Variants in TAFA1 observed in about 807,000 individuals in gnomAD.
The protein encoded by TAFA1 is chemokine-like protein TAFA-1.
Under a neutral mutation model 18.5 loss-of-function variants are expected in TAFA1, and 4 were observed. The observed-to-expected ratio is 0.22, with a 90% CI of 0.11 to 0.49. The LOEUF (loss-of-function observed/expected upper bound fraction) is 0.49, where lower values mean the gene tolerates loss of function less well. Ranked by LOEUF, TAFA1 falls within the 20% of genes least tolerant of loss-of-function variation. The pLI is 0.98. For missense variants in TAFA1, 147 were observed against 169.0 expected (o/e 0.87, Z 0.72); for synonymous variants, 56 against 55.2 (o/e 1.01, Z -0.06).
chr3:68,376,913 T>A (rs1036899053), intron 2 of TAFA1, among the ~76,000 whole-genome samples: 2 of 152,174 alleles, frequency 1.3e-5, no homozygotes, highest in South Asian at 4.2e-4. Context: ...TCTCATGAGG[T>A]CTGATGGTTC....
At chr3:68,423,107 C>T (rs1479286194) in intron 3 of TAFA1, among the ~76,000 whole-genome samples, 1 of 151,870 alleles carries the variant, frequency 6.6e-6, no homozygotes, top group East Asian at 1.9e-4. Context: ...TTCTATGATT[C>T]TGATTAATCT....
intron 2 of TAFA1, among the ~76,000 whole-genome samples, chr3:68,160,364 G>A (rs916884230): frequency 3.3e-5 from 5 of 152,200 alleles, no homozygotes; most frequent in Non-Finnish European, 5.9e-5. Context: ...ACGTGGCTGT[G>A]TTTCAATAAA....
chr3:68,476,420 T>C (rs2072098113), intron 3 of TAFA1, among the ~76,000 whole-genome samples: 1 of 152,220 alleles, frequency 6.6e-6, no homozygotes, highest in Non-Finnish European at 1.5e-5. Flanking sequence ...AACTAGTCTT[T>C]AAAAATGCAG....
At chr3:68,284,204 G>T (rs143080041) in intron 2 of TAFA1, among the ~76,000 whole-genome samples, 19 of 152,250 alleles carry the variant, frequency 1.2e-4, no homozygotes, top group African/African-American at 4.1e-4. Context: ...ACTTTAAATA[G>T]TAGGCCCCTA....
chr3:68,327,346 A>G (rs2068793008), intron 2 of TAFA1, among the ~76,000 whole-genome samples: 1 of 152,198 alleles, frequency 6.6e-6, no homozygotes, highest in Non-Finnish European at 1.5e-5. Context: ...TTTGAGGCCT[A>G]TCATTTACAG....
the TAFA1 span, among the ~76,000 whole-genome samples, chr3:67,991,606 A>T: frequency 3.3e-5 from 5 of 152,214 alleles, no homozygotes; most frequent in Admixed American, 6.5e-5. Flanking sequence ...TCAGAACCCC[A>T]GGCTCTCCAG....
At chr3:68,019,584 G>A (rs1704643159) in intron 2 of TAFA1, among the ~76,000 whole-genome samples, 1 of 152,130 alleles carries the variant, frequency 6.6e-6, no homozygotes, top group African/African-American at 2.4e-5. Flanking sequence ...ATTGTATAAT[G>A]GGTTGACCTT....
At chr3:68,156,574 A>G (rs1292007278) in intron 2 of TAFA1, among the ~76,000 whole-genome samples, 1 of 152,164 alleles carries the variant, frequency 6.6e-6, no homozygotes, top group Non-Finnish European at 1.5e-5. Context: ...TGCTCAGCAC[A>G]TATCTGTTGG....
intron 2 of TAFA1, among the ~76,000 whole-genome samples, chr3:68,263,446 TACACACACACACACAC>T (rs3033685): frequency 1.5e-5 from 2 of 137,686 alleles, no homozygotes; most frequent in South Asian, 2.5e-4. Flanking sequence ...CACACACACA[TACACACACACACACAC>T]ACACACACAC....
chr3:68,150,502 T>A (rs1263918557), intron 2 of TAFA1, among the ~76,000 whole-genome samples: 1 of 152,156 alleles, frequency 6.6e-6, no homozygotes, highest in African/African-American at 2.4e-5. Flanking sequence ...CAAAGGCAAA[T>A]CATTAAAAAA....
chr3:68,046,752 G>C (rs988357396), intron 2 of TAFA1, among the ~76,000 whole-genome samples: 7 of 152,142 alleles, frequency 4.6e-5, no homozygotes, highest in African/African-American at 1.7e-4. Flanking sequence ...TCTTTGGCTA[G>C]ACAGTCAGCT....
chr3:68,090,276 C>T lies in TAFA1; in HGVS notation c.118+83532C>T, dbSNP rs537623410. Among the ~76,000 whole-genome samples, 14 of 152,260 alleles carry T rather than the reference C, an allele frequency of 9.2e-5. No individual in the cohort carries two copies. The East Asian group carries it at 2.3e-3, about 25-fold the overall frequency. ...TTATTCTGAGATGCTTACAGATTCA[C>T]GTGCACTTGTACAAAATAATATAGC... On this transcript the variant is annotated intron_variant, in intron 2 of 4. Coordinates refer to ENST00000478136, the MANE Select transcript of TAFA1 (RefSeq NM_213609.4).
chr3:68,342,308 G>T (rs1224436328), intron 2 of TAFA1, among the ~76,000 whole-genome samples: 1 of 152,202 alleles, frequency 6.6e-6, no homozygotes, highest in Non-Finnish European at 1.5e-5. Context: ...ACAACAAAGT[G>T]CTTGTCCAGT....
chr3:68,126,008 G>A (rs2065460457), intron 2 of TAFA1, among the ~76,000 whole-genome samples: 1 of 152,122 alleles, frequency 6.6e-6, no homozygotes, highest in Admixed American at 6.5e-5. Context: ...CTGCAACAGA[G>A]GCCTTCAAAA....
chr3:68,329,269 C>A (rs114803958), intron 2 of TAFA1, among the ~76,000 whole-genome samples: 1 of 136,186 alleles, frequency 7.3e-6, no homozygotes, highest in Non-Finnish European at 1.5e-5. Flanking sequence ...GGTTTCACCA[C>A]GTTAGTCAGG....
intron 2 of TAFA1, among the ~76,000 whole-genome samples, chr3:68,195,261 T>G (rs2066396752): frequency 6.7e-6 from 1 of 150,232 alleles, no homozygotes; most frequent in Admixed American, 6.7e-5. Context: ...TCTAAATCCT[T>G]AAGGGATAAG....
rs933008327 is a variant in TAFA1 at position 68,354,055 on chromosome 3, C to A, written c.119-63225C>A. Among the ~76,000 whole-genome samples the A allele has an allele frequency of 2.2e-4, 33 of 152,008 alleles. 1 individual carries two copies. The East Asian group carries it at 2.7e-3, about 13-fold the overall frequency. ...CTCCCTGTATATATACTAACTGACC[C>A]TCGAGTTTTGACTATAGGGGTTTTC... is the stretch of plus-strand genomic sequence containing the variant. On this transcript the variant is annotated intron_variant, in intron 2 of 4. Transcript: ENST00000478136.
intron 2 of TAFA1, among the ~76,000 whole-genome samples, chr3:68,230,456 C>A (rs1199172930): frequency 6.6e-6 from 1 of 152,140 alleles, no homozygotes; most frequent in Non-Finnish European, 1.5e-5. Flanking sequence ...GGATTTCATT[C>A]TTTTTCATGG....
At chr3:68,239,236 A>T (rs1194056180) in intron 2 of TAFA1, among the ~76,000 whole-genome samples, 1 of 152,112 alleles carries the variant, frequency 6.6e-6, no homozygotes, top group African/African-American at 2.4e-5. Flanking sequence ...GTATTAATAT[A>T]TGTATTATGG....
Sources: gnomAD v4.1 joint callset for allele counts (sites outside exome capture counted in the v4.1 genomes callset) on GRCh38, gnomAD v4.1.1 for gene constraint, MANE v1.5 for transcripts, NCBI Gene and HGNC (gene_info 2026-07-23, HGNC 2026-07-21) for gene names.